MID1: variants seen among roughly 807,000 people sequenced by gnomAD.
The protein encoded by MID1 is midline 1.
MID1 carries 7 observed loss-of-function variants against 40.4 expected under a neutral mutation model. The ratio of observed to expected loss-of-function variants is 0.17; its 90% CI spans 0.10 to 0.33. The LOEUF (loss-of-function observed/expected upper bound fraction) is 0.33. MID1 is among the 10% of genes least tolerant of loss of function. The probability of loss-of-function intolerance (pLI) is 1.00; values close to 1 mark genes in which losing one functional copy is unlikely to be tolerated. For synonymous variants in MID1, 229 were observed against 221.2 expected, an observed-to-expected ratio of 1.04 and a Z score of -0.31; for missense variants, 367 against 558.5, an observed-to-expected ratio of 0.66 and a Z score of 3.46.
intron 1 of MID1, among the ~76,000 whole-genome samples, chrX:10,695,829 T>C (rs1416420226): frequency 9.0e-6 from 1 of 111,297 alleles, no homozygotes; most frequent in Non-Finnish European, 1.9e-5. Flanking sequence ...ATGCAGTGAG[T>C]CTGAAATGAG....
At chrX:10,462,505 T>C (rs985974259) in intron 7 of MID1, among the ~76,000 whole-genome samples, 1 of 112,123 alleles carries the variant, frequency 8.9e-6, no homozygotes, top group Non-Finnish European at 1.9e-5. Flanking sequence ...ACCATCCTGA[T>C]TGAAACTTCA....
chrX:10,684,757 T>C (rs2043083479), intron 1 of MID1, among the ~76,000 whole-genome samples: 1 of 111,732 alleles, frequency 8.9e-6, no homozygotes, highest in Non-Finnish European at 1.9e-5. Context: ...GTAACAACTT[T>C]ATTAGGTAAA....
intron 2 of MID1, among the ~76,000 whole-genome samples, chrX:10,536,085 C>T (rs1287461329): frequency 4.6e-5 from 5 of 109,703 alleles, no homozygotes; most frequent in Admixed American, 1.9e-4. Flanking sequence ...ATTAGCTGGG[C>T]GTGGTGGCAT....
At chrX:10,681,380 G>A (rs181257461) in intron 1 of MID1, among the ~76,000 whole-genome samples, 1,428 of 111,984 alleles carry the variant, frequency 0.013, 26 homozygotes, top group African/African-American at 0.044. Flanking sequence ...ACCAGCTGCT[G>A]TGGCTCGAAG....
At chrX:10,694,998 G>C (rs1296441925) in intron 1 of MID1, among the ~76,000 whole-genome samples, 1 of 111,816 alleles carries the variant, frequency 8.9e-6, no homozygotes, top group Non-Finnish European at 1.9e-5. Context: ...AGGACGATGA[G>C]AGGGGCCTGA....
At chrX:10,684,688 C>G (rs1249252857) in intron 1 of MID1, among the ~76,000 whole-genome samples, 23 of 110,938 alleles carry the variant, frequency 2.1e-4, no homozygotes, top group Non-Finnish European at 2.1e-4. Context: ...GGATTACAGG[C>G]GTGAGCCACC....
At chrX:10,601,671 T>C (rs757385263) in intron 1 of MID1, among the ~76,000 whole-genome samples, 2 of 111,328 alleles carry the variant, frequency 1.8e-5, no homozygotes, top group African/African-American at 6.5e-5. Flanking sequence ...TAGATCCTGG[T>C]AGTCACATGA....
intron 1 of MID1, among the ~76,000 whole-genome samples, chrX:10,798,214 CCT>C (rs1158395295): frequency 8.9e-6 from 1 of 112,113 alleles, no homozygotes; most frequent in Non-Finnish European, 1.9e-5. Context: ...CTGCAGGATT[CCT>C]CTCTCTGCTC....
intron 2 of MID1, among the ~76,000 whole-genome samples, chrX:10,527,537 G>A (rs945395888): frequency 7.2e-5 from 8 of 111,838 alleles, no homozygotes; most frequent in African/African-American, 2.6e-4. Flanking sequence ...GACACTAGAA[G>A]GGCCCAACCC....
chrX:10,625,937 C>A (rs1273364845), intron 1 of MID1, among the ~76,000 whole-genome samples: 2 of 111,481 alleles, frequency 1.8e-5, no homozygotes, highest in African/African-American at 6.5e-5. Context: ...TGTGCAGCAT[C>A]TTAGAAAGGC....
chrX:10,707,457 T>G (rs369261003), intron 1 of MID1, among the ~76,000 whole-genome samples: 1 of 112,037 alleles, frequency 8.9e-6, no homozygotes, highest in African/African-American at 3.2e-5. Flanking sequence ...GGGAGGACTG[T>G]TTGGTGAACA....
intron 2 of MID1, among the ~76,000 whole-genome samples, chrX:10,557,514 C>G (rs921185559): frequency 1.8e-5 from 2 of 111,859 alleles, no homozygotes. Flanking sequence ...TGCTCTAGTC[C>G]TAGTTCAGAG....
At chrX:10,515,108 G>T (rs1932335642) in intron 3 of MID1, among the ~76,000 whole-genome samples, 1 of 112,354 alleles carries the variant, frequency 8.9e-6, no homozygotes, top group South Asian at 3.7e-4. Context: ...GACTCCGGAT[G>T]AAGCCATTGC....
chrX:10,792,153 T>C (rs2043936367), intron 1 of MID1, among the ~76,000 whole-genome samples: 1 of 112,177 alleles, frequency 8.9e-6, no homozygotes, highest in African/African-American at 3.2e-5. Context: ...AACATTATTG[T>C]TTTAATGTAA....
chrX:10,615,034 G>A (rs1444164692), intron 1 of MID1, among the ~76,000 whole-genome samples: 1 of 112,030 alleles, frequency 8.9e-6, no homozygotes, highest in Non-Finnish European at 1.9e-5. Context: ...TGAGAAATCT[G>A]CTTTATGTAA....
chrX:10,601,665 T>C (rs751633717), intron 1 of MID1, among the ~76,000 whole-genome samples: 1 of 111,410 alleles, frequency 9.0e-6, no homozygotes, highest in South Asian at 3.8e-4. Context: ...TGTCCATAGA[T>C]CCTGGTAGTC....
At chrX:10,819,615 AC>A (rs1254710595) in intron 1 of MID1, among the ~76,000 whole-genome samples, 1 of 111,615 alleles carries the variant, frequency 9.0e-6, no homozygotes, top group Non-Finnish European at 1.9e-5. Context: ...TAAAACCATT[AC>A]TTCCTGACAC....
intron 1 of MID1, among the ~76,000 whole-genome samples, chrX:10,732,717 A>G (rs944673348): frequency 9.0e-6 from 1 of 111,612 alleles, no homozygotes; most frequent in Admixed American, 9.5e-5. Flanking sequence ...AACCCATCCT[A>G]CTCTATTTAA....
At chrX:10,734,030 C>A (rs2043470691) in intron 1 of MID1, among the ~76,000 whole-genome samples, 2 of 112,129 alleles carry the variant, frequency 1.8e-5, no homozygotes, top group South Asian at 7.4e-4. Context: ...ATAACAGTCC[C>A]AAACTGTATA....
Sources: gnomAD v4.1 joint callset for allele counts (sites outside exome capture counted in the v4.1 genomes callset) on GRCh38, gnomAD v4.1.1 for gene constraint, MANE v1.5 for transcripts, NCBI Gene and HGNC (gene_info 2026-07-23, HGNC 2026-07-21) for gene names.